GPC5: variants seen among roughly 807,000 people sequenced by gnomAD.
GPC5 encodes glypican 5, also known as glypican-5.
In GPC5, 47 loss-of-function variants were observed where a neutral mutation model predicts 53.9. The ratio of observed to expected loss-of-function variants is 0.87; its 90% CI spans 0.69 to 1.11. The LOEUF (loss-of-function observed/expected upper bound fraction) is 1.11. Ranked by LOEUF, GPC5 falls within the 50% of genes most tolerant of loss-of-function variation. The pLI, the probability that GPC5 is intolerant of heterozygous loss-of-function variation, is 0.00. For missense variants in GPC5, 748 were observed against 713.1 expected (o/e 1.05, Z -0.56); for synonymous variants, 286 against 263.3 (o/e 1.09, Z -0.84).
At chr13:91,711,684 A>G (rs1473016776) in intron 3 of GPC5, among the ~76,000 whole-genome samples, 1 of 152,234 alleles carries the variant, frequency 6.6e-6, no homozygotes, top group African/African-American at 2.4e-5. Flanking sequence ...TATTTAACCA[A>G]GAAGCCCATT....
intron 7 of GPC5, among the ~76,000 whole-genome samples, chr13:92,650,736 G>T (rs1329003290): frequency 6.6e-6 from 1 of 152,108 alleles, no homozygotes. Flanking sequence ...CATACCTTTT[G>T]TATGAATAAT....
At chr13:92,147,087 T>C (rs2041872743) in intron 7 of GPC5, among the ~76,000 whole-genome samples, 1 of 152,090 alleles carries the variant, frequency 6.6e-6, no homozygotes, top group South Asian at 2.1e-4. Flanking sequence ...AGATACTATG[T>C]CATTATATAA....
intron 7 of GPC5, among the ~76,000 whole-genome samples, chr13:92,611,315 A>T (rs1566318879): frequency 6.6e-6 from 1 of 152,152 alleles, no homozygotes; most frequent in Non-Finnish European, 1.5e-5. Context: ...TTAGGCTGTA[A>T]TCCCAGGACC....
rs1555308306 is a variant in GPC5 at position 92,740,960 on chromosome 13, G to GTATATATATATATATATATATATATATA, written c.1562-125311_1562-125310insATATATATATATATATATATATATATAT. ...TGTATGTGTGTATATATATGTATGT[G>GTATATATATATATATATATATATATATA]TATATATATATCCTGCTGTAGCATA... On this transcript the variant is annotated intron_variant, in intron 7 of 7. Coordinates refer to ENST00000377067, the MANE Select transcript of GPC5 (RefSeq NM_004466.6). Among the ~76,000 whole-genome samples the GTATATATATATATATATATATATATATA allele has an allele frequency of 2.9e-4, 34 of 117,752 alleles. 1 individual carries two copies. The highest frequency in any genetic ancestry group is 9.5e-4 in the African/African-American group (29 of 30,448). 77.2% of individuals were successfully genotyped at this position (117,752 alleles called of 152,430 possible). A position where few individuals can be genotyped will look rare whatever the true frequency, so the allele number is the denominator to read the frequency against.
chr13:92,491,007 C>A (rs1343068904), intron 7 of GPC5, among the ~76,000 whole-genome samples: 1 of 152,038 alleles, frequency 6.6e-6, no homozygotes, highest in East Asian at 1.9e-4. Flanking sequence ...CCTATGGAAA[C>A]TGAGAAGGAC....
intron 2 of GPC5, among the ~76,000 whole-genome samples, chr13:91,478,822 T>TATACACAC (rs1323023652): frequency 4.3e-5 from 4 of 92,164 alleles, no homozygotes; most frequent in South Asian, 3.5e-4. Flanking sequence ...TATATATATA[T>TATACACAC]ACACACACAC....
intron 7 of GPC5, among the ~76,000 whole-genome samples, chr13:92,522,918 A>G (rs887796192): frequency 2.0e-5 from 3 of 152,280 alleles, no homozygotes; most frequent in East Asian, 3.9e-4. Flanking sequence ...TTTTCAAAAA[A>G]TAAATGTTTT....
chr13:91,805,429 T>G (rs973487110), intron 5 of GPC5, among the ~76,000 whole-genome samples: 1 of 152,184 alleles, frequency 6.6e-6, no homozygotes, highest in Non-Finnish European at 1.5e-5. Context: ...TGTATTTTGC[T>G]GCTATTAAGA....
chr13:92,197,219 AT>A (rs1367445858), intron 7 of GPC5, among the ~76,000 whole-genome samples: 2 of 152,158 alleles, frequency 1.3e-5, no homozygotes, highest in Non-Finnish European at 2.9e-5. Context: ...TGAAAAAAAA[AT>A]AATAAGATAA....
At chr13:92,108,067 G>C (rs890247173) in intron 6 of GPC5, among the ~76,000 whole-genome samples, 2 of 152,120 alleles carry the variant, frequency 1.3e-5, no homozygotes. Flanking sequence ...CATCTGACCT[G>C]TGTATTCCAA....
intron 3 of GPC5, among the ~76,000 whole-genome samples, chr13:91,703,538 G>T (rs2036036874): frequency 1.3e-5 from 2 of 152,094 alleles, no homozygotes; most frequent in Non-Finnish European, 2.9e-5. Context: ...CTGCTGCTGA[G>T]TATGGTTTGC....
At chr13:91,400,170 C>T (rs986929957) in intron 1 of GPC5, among the ~76,000 whole-genome samples, 1 of 152,138 alleles carries the variant, frequency 6.6e-6, no homozygotes, top group African/African-American at 2.4e-5. Flanking sequence ...CCAACACAGA[C>T]GAATCTGTGA....
chr13:92,539,170 C>A (rs957393315), intron 7 of GPC5, among the ~76,000 whole-genome samples: 6 of 149,210 alleles, frequency 4.0e-5, no homozygotes, highest in South Asian at 2.1e-4. Context: ...GATTTATAAT[C>A]CTTTGGGTAT....
intron 5 of GPC5, among the ~76,000 whole-genome samples, chr13:91,825,780 T>A (rs2138844044): frequency 6.6e-6 from 1 of 152,188 alleles, no homozygotes; most frequent in African/African-American, 2.4e-5. Context: ...ATGATGAGGT[T>A]TGAGTCTACA....
chr13:92,629,408 T>C (rs1000979606), intron 7 of GPC5, among the ~76,000 whole-genome samples: 10 of 152,134 alleles, frequency 6.6e-5, no homozygotes, highest in Non-Finnish European at 5.9e-5. Context: ...TCTCTGTCTG[T>C]ATTGTGGGGG....
At chr13:91,928,388 ATAAAG>A (rs2039789092) in intron 6 of GPC5, among the ~76,000 whole-genome samples, 1 of 152,212 alleles carries the variant, frequency 6.6e-6, no homozygotes, top group African/African-American at 2.4e-5. Context: ...ATATGACTCC[ATAAAG>A]TAAAGAGAGA....
intron 2 of GPC5, among the ~76,000 whole-genome samples, chr13:91,630,529 G>A (rs192547146): frequency 1.3e-5 from 2 of 152,218 alleles, no homozygotes; most frequent in Admixed American, 6.5e-5. Context: ...TTTTAGCTAG[G>A]TGGATTTGCT....
At chr13:91,465,408 A>G (rs1035836009) in intron 2 of GPC5, among the ~76,000 whole-genome samples, 2 of 152,106 alleles carry the variant, frequency 1.3e-5, no homozygotes, top group African/African-American at 4.8e-5. Flanking sequence ...TGTAAATGGA[A>G]TCATACATCA....
chr13:92,655,155 C>T (rs528106537), intron 7 of GPC5, among the ~76,000 whole-genome samples: 1 of 152,222 alleles, frequency 6.6e-6, no homozygotes, highest in Admixed American at 6.5e-5. Flanking sequence ...GAATAAATAT[C>T]TGTTGTTTGA....
Sources: gnomAD v4.1 joint callset for allele counts (sites outside exome capture counted in the v4.1 genomes callset) on GRCh38, gnomAD v4.1.1 for gene constraint, MANE v1.5 for transcripts, NCBI Gene and HGNC (gene_info 2026-07-23, HGNC 2026-07-21) for gene names.